STK31: variants seen among roughly 807,000 people sequenced by gnomAD.
STK31 encodes the protein serine/threonine kinase 31, also known as serine/threonine-protein kinase 31.
STK31 carries 89 observed loss-of-function variants against 129.7 expected under a neutral mutation model. That is an observed-to-expected ratio of 0.69 (90% confidence interval 0.58 to 0.82). The LOEUF (loss-of-function observed/expected upper bound fraction) is 0.82. STK31 is among the 40% of genes least tolerant of loss of function. The probability of loss-of-function intolerance (pLI) is 0.00; values close to 1 mark genes in which losing one functional copy is unlikely to be tolerated. For synonymous variants in STK31, 448 were observed against 395.3 expected (o/e 1.13, Z -1.58); for missense variants, 1,187 against 1,176.4 (o/e 1.01, Z -0.13).
intron 3 of STK31, among the ~76,000 whole-genome samples, chr7:23,712,842 A>G (rs533247472): frequency 7.3e-4 from 111 of 152,288 alleles, no homozygotes; most frequent in Non-Finnish European, 7.6e-4. Context: ...AAGAAGGTAA[A>G]TTCCTCTGAT....
At chr7:23,829,917 T>G (rs1794437131) in intron 23 of STK31, among the ~76,000 whole-genome samples, 1 of 152,158 alleles carries the variant, frequency 6.6e-6, no homozygotes, top group East Asian at 1.9e-4. Flanking sequence ...TGTTCATGTA[T>G]AGTTATTCAT....
chr7:23,799,875 C>G (rs1468877940), intron 22 of STK31, among the ~76,000 whole-genome samples: 1 of 152,132 alleles, frequency 6.6e-6, no homozygotes, highest in African/African-American at 2.4e-5. Context: ...CTACAAAGAA[C>G]TGAAACACAT....
At position 23,772,242 on chromosome 7, in the gene STK31, C is replaced by T. The variant is rs1366527079; in HGVS notation, c.1929C>T (p.Leu643=). 3 of 1,608,492 alleles carry T rather than the reference C, an allele frequency of 1.9e-6. No homozygotes were observed. Among genetic ancestry groups the T allele is most frequent in the Admixed American group, 1.7e-5 (1 of 58,754 alleles). The change falls in exon 15 of 24, where the codon CTC becomes CTT. Residue 643 remains leucine, a synonymous_variant. Coordinates refer to ENST00000355870, the MANE Select transcript of STK31 (RefSeq NM_031414.5). ...KKTLKSLKAL[L]RWKLVEKSNL... ...CATTGAAAAGCTTAAAAGCTCTACTCAGATGGAAATTGGTTGAAAAGAGTA... is the reference window on the plus strand; with the variant it reads ...CATTGAAAAGCTTAAAAGCTCTACTTAGATGGAAATTGGTTGAAAAGAGTA...
At chr7:23,710,764 A>T in intron 1 of STK31, 1 of 1,036,860 alleles carries the variant, frequency 9.6e-7, no homozygotes, top group Non-Finnish European at 1.2e-6. Context: ...GTGCCTTCAT[A>T]ATCAGGGCAA....
chr7:23,808,831 T>C (rs1211316420), intron 22 of STK31, among the ~76,000 whole-genome samples: 2 of 152,172 alleles, frequency 1.3e-5, no homozygotes, highest in Admixed American at 6.5e-5. Flanking sequence ...GGGCAGTTTT[T>C]CGTTTGGTGT....
intron 23 of STK31, among the ~76,000 whole-genome samples, chr7:23,827,655 G>C (rs1006778213): frequency 4.6e-5 from 7 of 152,162 alleles, no homozygotes; most frequent in African/African-American, 1.7e-4. Context: ...GCGTTCCTTT[G>C]TCGGAGGAGA....
intron 10 of STK31, among the ~76,000 whole-genome samples, chr7:23,762,305 T>C (rs1443725068): frequency 2.0e-5 from 3 of 150,618 alleles, no homozygotes; most frequent in Non-Finnish European, 4.4e-5. Flanking sequence ...ACAGGATGGA[T>C]ATATTAATAT....
rs935697769 is a variant in STK31, at chr7:23,823,166, T to C, written c.2829+7954T>C. 2.6e-4 allele frequency among the ~76,000 whole-genome samples: 40 copies of C among 152,280 alleles called. 2 individuals carry two copies. Among genetic ancestry groups the C allele is most frequent in the South Asian group, 6.2e-4 (3 of 4,816 alleles). On this transcript the variant is annotated intron_variant, in intron 23 of 23. Coordinates refer to ENST00000355870, the MANE Select transcript of STK31 (RefSeq NM_031414.5). The stretch of plus-strand genomic sequence containing the variant: ...TTCTAGTTCTAGATCCCTGAGGAAT[T>C]GCCACACCGACTTCCACAATGGTTG...
At chr7:23,813,078 C>CTTTTTTTTTTTTTTTTTTTTTTTTTT (rs70956924) in intron 22 of STK31, among the ~76,000 whole-genome samples, 8 of 94,112 alleles carry the variant, frequency 8.5e-5, no homozygotes, top group East Asian at 3.4e-4. Flanking sequence ...GCTCTCTGTT[C>CTTTTTTTTTTTTTTTTTTTTTTTTTT]TTTTTTTTTT....
chr7:23,721,625 C>T (rs971315999), intron 4 of STK31: 56 of 883,232 alleles, frequency 6.3e-5, no homozygotes, highest in Middle Eastern at 2.9e-4. Flanking sequence ...AAGTGTGCGT[C>T]GAATGTAAAT....
At chr7:23,747,620 G>A (rs776725850) in intron 8 of STK31, among the ~76,000 whole-genome samples, 2 of 151,820 alleles carry the variant, frequency 1.3e-5, no homozygotes, top group Admixed American at 6.6e-5. Context: ...CACCCGCCTC[G>A]GCCTCCCAAA....
At chr7:23,809,215 C>T (rs962797537) in intron 22 of STK31, among the ~76,000 whole-genome samples, 1 of 151,912 alleles carries the variant, frequency 6.6e-6, no homozygotes, top group Non-Finnish European at 1.5e-5. Flanking sequence ...GCTGGAACCC[C>T]TTGCATGCTC....
chr7:23,726,571 T>C (rs1352033770), intron 4 of STK31, among the ~76,000 whole-genome samples: 1 of 150,564 alleles, frequency 6.6e-6, no homozygotes, highest in East Asian at 2.0e-4. Context: ...GAGCCATGAC[T>C]GCTGCACTGC....
intron 22 of STK31, among the ~76,000 whole-genome samples, chr7:23,814,830 T>C (rs1391179010): frequency 6.6e-6 from 1 of 152,198 alleles, no homozygotes; most frequent in Non-Finnish European, 1.5e-5. Flanking sequence ...ATTTTCTTTG[T>C]ACCTAATTTT....
chr7:23,806,856 C>T (rs1334061624), intron 22 of STK31, among the ~76,000 whole-genome samples: 9 of 144,098 alleles, frequency 6.2e-5, no homozygotes, highest in East Asian at 6.2e-4. Flanking sequence ...GCAGAGATCA[C>T]GCCACTGCAC....
At chr7:23,786,155 T>G (rs1016476082) in intron 18 of STK31, among the ~76,000 whole-genome samples, 4 of 152,124 alleles carry the variant, frequency 2.6e-5, no homozygotes, top group African/African-American at 9.7e-5. Flanking sequence ...TTTTTAAAAT[T>G]CTTGATTTTC....
chr7:23,715,709 T>A (rs11974206), intron 3 of STK31, among the ~76,000 whole-genome samples: 31,964 of 152,128 alleles, frequency 0.21, 3,594 homozygotes, highest in Admixed American at 0.29. Flanking sequence ...AGGGTCAGTT[T>A]AAATTCAGTT....
intron 4 of STK31, 84 bp from the exon 5 acceptor site, chr7:23,727,157 G>A: frequency 3.7e-6 from 4 of 1,066,798 alleles, no homozygotes; most frequent in Non-Finnish European, 5.7e-6. Flanking sequence ...TGACATATAG[G>A]AAGAGCTTAA....
chr7:23,779,812 C>T (rs545672423), intron 15 of STK31, among the ~76,000 whole-genome samples: 1 of 152,198 alleles, frequency 6.6e-6, no homozygotes, highest in Non-Finnish European at 1.5e-5. Flanking sequence ...CCACTTGGCT[C>T]CCTGGCTTCA....
Sources: gnomAD v4.1 joint callset for allele counts (sites outside exome capture counted in the v4.1 genomes callset) on GRCh38, gnomAD v4.1.1 for gene constraint, MANE v1.5 for transcripts, NCBI Gene and HGNC (gene_info 2026-07-23, HGNC 2026-07-21) for gene names.